Variants in MUC5B observed in about 807,000 individuals in gnomAD.
MUC5B encodes the protein mucin 5B, oligomeric mucus/gel-forming.
In MUC5B, 116 loss-of-function variants were observed where a neutral mutation model predicts 376.9. The observed-to-expected ratio is 0.31, with a 90% CI of 0.26 to 0.36. MUC5B has a LOEUF of 0.36. MUC5B is among the 10% of genes least tolerant of loss of function. The probability of loss-of-function intolerance (pLI) is 1.00; values close to 1 mark genes in which losing one functional copy is unlikely to be tolerated. For synonymous variants in MUC5B, 3,517 were observed against 3,390.9 expected (o/e 1.04, Z -1.29); for missense variants, 7,165 against 7,769.9 (o/e 0.92, Z 2.93).
rs200226020 is a variant in MUC5B at position 1,240,331 on chromosome 11, C to T, written c.3926C>T (p.Thr1309Met). 385 of 1,610,002 alleles carry T rather than the reference C, an allele frequency of 2.4e-4. 2 individuals carry two copies. In the East Asian group the frequency reaches 3.0e-3, roughly 12 times the overall value. Residue 1309 changes from threonine (T) to methionine (M), a missense_variant, in exon 30 of 49, where the codon ACG (threonine) becomes ATG (methionine). Around this residue, in one of 31 missense-constraint regions of MUC5B, gnomAD observed 517 missense variants for 545.3 expected, o/e 0.95. Coordinates refer to ENST00000529681, the MANE Select transcript of MUC5B (RefSeq NM_002458.3). ...AVACPGTPATTPFTFTTAWVP... is the reference protein window; with the variant it reads ...AVACPGTPATMPFTFTTAWVP... Reference sequence around the variant, plus strand: ...GCATGTCCTGGAACTCCAGCCACAACGCCATTCACCTTCACCACCGCCTGG... The same window carrying T: ...GCATGTCCTGGAACTCCAGCCACAATGCCATTCACCTTCACCACCGCCTGG...
rs1861875126 is a variant in MUC5B, at chr11:1,226,151, T to C, written c.128-54T>C. 5 of 1,502,822 alleles carry C rather than the reference T, an allele frequency of 3.3e-6. No individual in the cohort carries two copies. In the East Asian group the frequency reaches 9.9e-5, roughly 30 times the overall value. The allele number at this position is 1,502,822 out of a possible 1,614,324, so 93.1% of individuals were successfully genotyped here. A position where few individuals can be genotyped will look rare whatever the true frequency, so the allele number is the denominator to read the frequency against. On this transcript the variant is annotated intron_variant, in intron 2 of 48. Coordinates refer to ENST00000529681, the MANE Select transcript of MUC5B (RefSeq NM_002458.3). ...AGGAGGGTGGGCCCCGGGGAGGGTGTCTCTGCTTCCCCTTCCTGGCCACGT... is the reference window on the plus strand; with the variant it reads ...AGGAGGGTGGGCCCCGGGGAGGGTGCCTCTGCTTCCCCTTCCTGGCCACGT...
rs1440810041 is a variant in MUC5B at position 1,242,331 on chromosome 11, TG to T, written c.5456del (p.Gly1819AlafsTer10). On this transcript the variant is annotated frameshift_variant, in exon 31 of 49. Transcript: ENST00000529681. LOFTEE classifies it high-confidence loss of function. ...AAACTTTTGAAAACATCAGGGCTGC[TG>T]GGGGCAAGATGTGCTGGGCACCAAA... ...METFENIRAA[G>X]GKMCWAPKSI... 1 of 1,613,838 alleles carries T rather than the reference TG, an allele frequency of 6.2e-7. No homozygotes were observed. Among genetic ancestry groups the T allele is most frequent in the East Asian group, 2.2e-5 (1 of 44,886 alleles).
Position 1,234,453 on chromosome 11 carries a change from C to T in MUC5B, c.2479-76C>T, listed in dbSNP as rs749251375. 4.5e-5 allele frequency: 69 copies of T among 1,526,014 alleles called. No individual in the cohort carries two copies. Among genetic ancestry groups the T allele is most frequent in the South Asian group, 1.5e-4 (12 of 81,686 alleles). The allele number at this position is 1,526,014 out of a possible 1,614,324, so 94.5% of individuals were successfully genotyped here. A position where few individuals can be genotyped will look rare whatever the true frequency, so the allele number is the denominator to read the frequency against. ...GCGTTGCCCTGGGTGCTGCTGGGTG[C>T]GCCTGTCCCAGAGGGTGAGTGACAT... On this transcript the variant is annotated intron_variant, in intron 20 of 48. Transcript: ENST00000529681. The surrounding 1 kb of genome is among the most constrained non-coding windows in gnomAD (Gnocchi z 6.3).
chr11:1,227,898 G>T (rs1326297002), intron 7 of MUC5B, 117 bp downstream of exon 7: 2 of 614,792 alleles, frequency 3.3e-6, no homozygotes, highest in Admixed American at 5.0e-5. Flanking sequence ...ATTGGAGGGA[G>T]GCCGGGCAGC....
At chr11:1,232,303 G>T in intron 15 of MUC5B, 143 bp downstream of exon 15, 1 of 1,338,342 alleles carries the variant, frequency 7.5e-7, no homozygotes, top group South Asian at 1.4e-5. Flanking sequence ...GGTGCTTGGG[G>T]CCAGGCGGCC....
Position 1,243,136 on chromosome 11 carries a change from A to G in MUC5B, c.6256A>G (p.Arg2086Gly), listed in dbSNP as rs1359250761. The change falls in exon 31 of 49, where the codon AGA becomes GGA. Residue 2086 changes from arginine (R) to glycine (G), a missense_variant. Physicochemically the swap from Arg to Gly is moderately radical, Grantham distance 125. Around this residue, in one of 31 missense-constraint regions of MUC5B, gnomAD observed 897 missense variants for 779.6 expected, o/e 1.15. Coordinates refer to ENST00000529681, the MANE Select transcript of MUC5B (RefSeq NM_002458.3). ...WISTTTTPTT[R>G]GSTVTPSSIP... ...CAGCACAACCACCACACCCACAACCAGAGGCTCCACGGTGACCCCCTCCTC... is the reference window on the plus strand; with the variant it reads ...CAGCACAACCACCACACCCACAACCGGAGGCTCCACGGTGACCCCCTCCTC... 1.2e-6 allele frequency: 2 copies of G among 1,609,912 alleles called. No homozygotes were observed. The highest frequency in any genetic ancestry group is 1.7e-6 in the Non-Finnish European group (2 of 1,178,280).
chr11:1,248,325 C>G lies in MUC5B; in HGVS notation c.11445C>G (p.Pro3815=), dbSNP rs773414364. 75 of 1,612,050 alleles carry G rather than the reference C, an allele frequency of 4.7e-5. No individual in the cohort carries two copies. Among genetic ancestry groups the G allele is most frequent in the Non-Finnish European group, 6.2e-5 (73 of 1,179,314 alleles). ...TWTRLSQTTT[P]TATMSTATPS... Reference sequence around the variant, plus strand: ...CCCGCCTATCACAGACCACCACACCCACGGCCACCATGTCCACAGCCACAC... The same window carrying G: ...CCCGCCTATCACAGACCACCACACCGACGGCCACCATGTCCACAGCCACAC... The change falls in exon 31 of 49, where the codon CCC becomes CCG. Residue 3815 remains proline, a synonymous_variant. Transcript: ENST00000529681.
In MUC5B at chr11:1,229,255, C is replaced by T. The variant is rs760550230; in HGVS notation, c.1062C>T (p.Leu354=). 4 of 1,591,732 alleles carry T rather than the reference C, an allele frequency of 2.5e-6. No individual in the cohort carries two copies. In the Admixed American group the frequency reaches 5.2e-5, roughly 21 times the overall value. The change falls in exon 9 of 49, where the codon CTC becomes CTT. Residue 354 remains leucine, a synonymous_variant. Transcript: ENST00000529681. ...DTCSNPQRAQ[L]CEDHCVDGCF... Reference sequence around the variant, plus strand: ...GCTCCAACCCCCAGCGCGCGCAGCTCTGCGAGGACCACTGTGTGGACGGCT... The same window carrying T: ...GCTCCAACCCCCAGCGCGCGCAGCTTTGCGAGGACCACTGTGTGGACGGCT...
chr11:1,259,824 C>G lies in MUC5B; in HGVS notation c.16782C>G (p.Pro5594=), dbSNP rs755786475. ...GCGTCCAGACCGCCTGCCTCACGCC[C>G]GATGGCCAGCCAGTCCAGGTAACAG... is the stretch of plus-strand genomic sequence containing the variant. ...GECVQTACLT[P]DGQPVQLNET... The change falls in exon 45 of 49, where the codon CCC becomes CCG. Residue 5594 remains proline, a synonymous_variant. Coordinates refer to ENST00000529681, the MANE Select transcript of MUC5B (RefSeq NM_002458.3). The G allele has an allele frequency of 5.6e-6, 9 of 1,612,440 alleles. No homozygotes were observed. The highest frequency in any genetic ancestry group is 4.4e-5 in the South Asian group (4 of 91,084).
At position 1,247,243 on chromosome 11, in the gene MUC5B, C is replaced by G; in HGVS notation, c.10363C>G (p.His3455Asp). The change falls in exon 31 of 49, where the codon CAC becomes GAC. Residue 3455 changes from histidine to aspartate, a missense_variant. Physicochemically the swap from His to Asp is moderately conservative, Grantham distance 81. This residue lies in a region of MUC5B where 939 missense variants were observed against 770.6 expected (regional missense o/e 1.22). Coordinates refer to ENST00000529681, the MANE Select transcript of MUC5B (RefSeq NM_002458.3). ...PPVPNTTATT[H>D]GRSLPPSSPH... ...AGTGCCGAACACCACGGCCACCACA[C>G]ACGGGCGGTCCCTGCCCCCCAGCAG... 1 of 1,612,428 alleles carries G rather than the reference C, an allele frequency of 6.2e-7. No individual in the cohort carries two copies. The highest frequency in any genetic ancestry group is 8.5e-7 in the Non-Finnish European group (1 of 1,179,574).
intron 8 of MUC5B, 107 bp downstream of exon 8, chr11:1,228,872 G>T: frequency 8.9e-7 from 1 of 1,123,712 alleles, no homozygotes; most frequent in Non-Finnish European, 1.2e-6. Context: ...AGGGGTGGAG[G>T]GCAGAGGACC....
chr11:1,230,150 G>C lies in MUC5B; in HGVS notation c.1359+7G>C, dbSNP rs754018440. The C allele has an allele frequency of 6.3e-7, 1 of 1,589,362 alleles. No homozygotes were observed. The highest frequency in any genetic ancestry group is 8.5e-7 in the Non-Finnish European group (1 of 1,169,716). ...CAGCTACGTTCTGTCCAAGGTCTGG[G>C]CTTGGGGCCGGGTCTTCAGACACCC... On this transcript the variant is annotated splice_region_variant and intron_variant, in intron 11 of 48. Coordinates refer to ENST00000529681, the MANE Select transcript of MUC5B (RefSeq NM_002458.3).
rs751892362 is a variant in MUC5B, at chr11:1,250,616, C to A, written c.13736C>A (p.Ala4579Asp). ...ATTTGATGSV[A>D]TPSSTPGTAH... ...ACAACCGGGGCCACCGGCTCTGTGG[C>A]CACCCCCTCCTCCACCCCAGGAACA... Residue 4579 changes from alanine (A) to aspartate (D), a missense_variant, in exon 31 of 49, where the codon GCC (alanine) becomes GAC (aspartate). Coordinates refer to ENST00000529681, the MANE Select transcript of MUC5B (RefSeq NM_002458.3). 6 of 1,612,926 alleles carry A rather than the reference C, an allele frequency of 3.7e-6. No homozygotes were observed. The South Asian group carries it at 5.5e-5, about 15-fold the overall frequency.
Position 1,228,647 on chromosome 11 carries a change from C to A in MUC5B, c.858C>A (p.Ala286=), listed in dbSNP as rs372209213. 64 of 1,534,216 alleles carry A rather than the reference C, an allele frequency of 4.2e-5. No homozygotes were observed. Among genetic ancestry groups the A allele is most frequent in the Non-Finnish European group, 5.5e-5 (63 of 1,146,300 alleles). Residue 286 remains alanine (A), a synonymous_variant, in exon 8 of 49, where the codon GCC becomes GCA. Coordinates refer to ENST00000529681, the MANE Select transcript of MUC5B (RefSeq NM_002458.3). ...TGGACAGCACTGCGTACCTGGCCGCCTGCGCCCAGGACCTGTGCCGCTGCC... is the reference window on the plus strand; with the variant it reads ...TGGACAGCACTGCGTACCTGGCCGCATGCGCCCAGGACCTGTGCCGCTGCC... The part of the protein sequence containing the change: ...ALVDSTAYLA[A]CAQDLCRCPT...
Position 1,233,974 on chromosome 11 carries a change from G to A in MUC5B, c.2377+126G>A, listed in dbSNP as rs1359524258. On this transcript the variant is annotated intron_variant, in intron 19 of 48. Coordinates refer to ENST00000529681, the MANE Select transcript of MUC5B (RefSeq NM_002458.3). ...TGCCGGGCCAGGTCAGTCCTCACCTGGGCTCTGCCACAGGCACCCATGCCC... is the reference window on the plus strand; with the variant it reads ...TGCCGGGCCAGGTCAGTCCTCACCTAGGCTCTGCCACAGGCACCCATGCCC... 7.8e-6 allele frequency: 8 copies of A among 1,019,568 alleles called. 1 individual carries two copies. In the East Asian group the frequency reaches 2.1e-4, roughly 27 times the overall value. The allele number at this position is 1,019,568 out of a possible 1,614,324, so 63.2% of individuals were successfully genotyped here. A position where few individuals can be genotyped will look rare whatever the true frequency, so the allele number is the denominator to read the frequency against.
chr11:1,257,535 G>A lies in MUC5B; in HGVS notation c.16275G>A (p.Gly5425=), dbSNP rs750386608. 35 of 1,608,328 alleles carry A rather than the reference G, an allele frequency of 2.2e-5. No individual in the cohort carries two copies. Among genetic ancestry groups the A allele is most frequent in the Middle Eastern group, 3.3e-4 (2 of 6,076 alleles). Reference sequence around the variant, plus strand: ...ACCCCCTTGATCCATTCCAGCCCGGGGAGCGGTGGGTCAGCAACTGCCAGT... The same window carrying A: ...ACCCCCTTGATCCATTCCAGCCCGGAGAGCGGTGGGTCAGCAACTGCCAGT... ...VGPDGFPKFP[G]ERWVSNCQSC... The change falls in exon 41 of 49, where the codon GGG becomes GGA. Residue 5425 remains glycine (G), a synonymous_variant. Coordinates refer to ENST00000529681, the MANE Select transcript of MUC5B (RefSeq NM_002458.3). This position sits in a 1 kb window ranked among gnomAD's most constrained non-coding sequence, Gnocchi z 8.9.
Position 1,242,011 on chromosome 11 carries a change from C to G in MUC5B, c.5131C>G (p.Pro1711Ala), listed in dbSNP as rs1043376243. 1 of 1,586,858 alleles carries G rather than the reference C, an allele frequency of 6.3e-7. No homozygotes were observed. The highest frequency in any genetic ancestry group is 8.6e-7 in the Non-Finnish European group (1 of 1,167,474). Residue 1711 changes from proline to alanine, a missense_variant, in exon 31 of 49, where the codon CCC (proline) becomes GCC (alanine). Transcript: ENST00000529681. ...GTTGSLGTWR[P>A]SQPPTLAPTT... ...GACGGGGAGCTTGGGCACATGGCGC[C>G]CCTCACAGCCACCCACGCTGGCCCC...
intron 38 of MUC5B, 52 bp from the exon 39 acceptor site, chr11:1,256,619 G>C (rs1175923526): frequency 6.9e-7 from 1 of 1,438,906 alleles, no homozygotes; most frequent in African/African-American, 1.4e-5. Flanking sequence ...GTGGATGACA[G>C]TGGAGGCCTC....
chr11:1,256,948 C>A (rs1266094268), intron 39 of MUC5B, among the ~76,000 whole-genome samples, 177 bp downstream of exon 39: 1 of 152,084 alleles, frequency 6.6e-6, no homozygotes, highest in Non-Finnish European at 1.5e-5. Context: ...CCCTGCAGAG[C>A]CCCCACGGTC....
Sources: gnomAD v4.1 joint callset for allele counts (sites outside exome capture counted in the v4.1 genomes callset) on GRCh38, gnomAD v4.1.1 for gene constraint, gnomAD v4.1.1 regional missense constraint, Gnocchi (gnomAD v3.1) non-coding constraint, MANE v1.5 for transcripts, NCBI Gene and HGNC (gene_info 2026-07-23, HGNC 2026-07-21) for gene names.